Variants in SLC29A1 observed in about 807,000 individuals in gnomAD.
The protein encoded by SLC29A1 is solute carrier family 29 member 1 (Augustine blood group).
Under a neutral mutation model 48.3 loss-of-function variants are expected in SLC29A1, and 22 were observed. The observed-to-expected ratio is 0.46, with a 90% CI of 0.33 to 0.65. The LOEUF is 0.65. Among genes scored for constraint, SLC29A1 ranks in the 30% least tolerant of loss-of-function variants. The pLI is 0.03. For missense variants in SLC29A1, 491 were observed against 575.3 expected, an observed-to-expected ratio of 0.85 and a Z score of 1.50; for synonymous variants, 228 against 231.0, an observed-to-expected ratio of 0.99 and a Z score of 0.12.
At position 44,231,470 on chromosome 6, in the gene SLC29A1, G is replaced by C; in HGVS notation, c.864+9G>C. 6.4e-7 allele frequency: 1 copy of C among 1,565,620 alleles called. No individual in the cohort carries two copies. The highest frequency in any genetic ancestry group is 2.3e-5 in the East Asian group (1 of 44,432). The stretch of plus-strand genomic sequence containing the variant: ...AAGCCATCCTGAAAAATGTACGTAG[G>C]GGAGGTTATCCTATCTTCTACCCCT... On this transcript the variant is annotated intron_variant, in intron 9 of 12. Transcript: ENST00000371755.
intron 1 of SLC29A1, chr6:44,226,308 TA>T (rs1447713541): frequency 6.0e-6 from 1 of 167,622 alleles, no homozygotes; most frequent in Non-Finnish European, 1.2e-5. Context: ...GAAAGCTGTT[TA>T]ATCTGCTGGT....
chr6:44,225,170 A>G (rs912438994), intron 1 of SLC29A1, among the ~76,000 whole-genome samples: 3 of 152,092 alleles, frequency 2.0e-5, no homozygotes, highest in African/African-American at 4.8e-5. Flanking sequence ...TGCGGGTATG[A>G]AGTAAGAACC....
chr6:44,229,767 A>G lies in SLC29A1; in HGVS notation c.290A>G (p.Tyr97Cys). 1 of 1,613,568 alleles carries G rather than the reference A, an allele frequency of 6.2e-7. No homozygotes were observed. Among genetic ancestry groups the G allele is most frequent in the Non-Finnish European group, 8.5e-7 (1 of 1,179,934 alleles). Residue 97 changes from tyrosine (Y) to cysteine (C), a missense_variant, in exon 4 of 13, where the codon TAC becomes TGC. Transcript: ENST00000371755. The surrounding 1 kb of genome is among the most constrained non-coding windows in gnomAD (Gnocchi z 5.1). ...ATGCTGCCCCTGCTGTTATTCACCT[A>G]CCTCAACTCCTTCCTGCATCAGAGG... ...CAMLPLLLFT[Y>C]LNSFLHQRIP...
Position 44,223,875 on chromosome 6 carries a change from G to A in SLC29A1, c.-52+234G>A. 1 of 998,380 alleles carries A rather than the reference G, an allele frequency of 1.0e-6. No individual in the cohort carries two copies. Among genetic ancestry groups the A allele is most frequent in the Non-Finnish European group, 1.2e-6 (1 of 838,454 alleles). 61.8% of individuals were successfully genotyped at this position (998,380 alleles called of 1,614,324 possible). ...GACCCAAGCTGGGCGGGGCGGCCTG[G>A]CTCCCGGGCCTAAAACAGGCTGCGG... On this transcript the variant is annotated intron_variant, in intron 1 of 12. Coordinates refer to ENST00000371755, the MANE Select transcript of SLC29A1 (RefSeq NM_001372327.1). The surrounding 1 kb of genome is among the most constrained non-coding windows in gnomAD (Gnocchi z 5.0).
chr6:44,221,220 C>T (rs943078720), upstream of SLC29A1, among the ~76,000 whole-genome samples: 3 of 152,114 alleles, frequency 2.0e-5, no homozygotes, highest in Non-Finnish European at 4.4e-5. The surrounding 1 kb of genome is among the most constrained non-coding windows in gnomAD (Gnocchi z 4.2). Flanking sequence ...TTTGGCTCCC[C>T]CTTACATTTT....
intron 1 of SLC29A1, chr6:44,226,821 T>A: frequency 9.8e-7 from 1 of 1,016,602 alleles, no homozygotes; most frequent in East Asian, 9.5e-5. Context: ...TCCCCCGACC[T>A]CTTTGCTGTG....
rs1010835510 is a variant in SLC29A1, at chr6:44,233,785, G to T, written c.*257G>T. On this transcript the variant is annotated 3_prime_UTR_variant, in exon 13 of 13. Coordinates refer to ENST00000371755, the MANE Select transcript of SLC29A1 (RefSeq NM_001372327.1). ...ATTTGCTTGAGTTTCTCCACTCTTG[G>T]CTCTGACTGATCCCTGCTTGTGCAG... 2 of 520,874 alleles carry T rather than the reference G, an allele frequency of 3.8e-6. No homozygotes were observed. Among genetic ancestry groups the T allele is most frequent in the African/African-American group, 3.8e-5 (2 of 52,116 alleles). The allele number at this position is 520,874 out of a possible 1,614,324, so 32.3% of individuals were successfully genotyped here.
rs1303190182 is a variant in SLC29A1, at chr6:44,233,707, G to T, written c.*179G>T. 9.9e-6 allele frequency: 6 copies of T among 605,686 alleles called. No individual in the cohort carries two copies. The Admixed American group carries it at 1.7e-4, about 18-fold the overall frequency. 37.5% of individuals were successfully genotyped at this position (605,686 alleles called of 1,614,324 possible). A position where few individuals can be genotyped will look rare whatever the true frequency, so the allele number is the denominator to read the frequency against. ...GGGAGGGAGCCTCTGGACGGACAGT[G>T]GGGACATTGTGGGTTTGGGGCTCAG... is the stretch of plus-strand genomic sequence containing the variant. On this transcript the variant is annotated 3_prime_UTR_variant, in exon 13 of 13. Transcript: ENST00000371755.
upstream of SLC29A1, among the ~76,000 whole-genome samples, chr6:44,222,074 G>A (rs902211647): frequency 6.6e-6 from 1 of 152,174 alleles, no homozygotes; most frequent in Non-Finnish European, 1.5e-5. Flanking sequence ...AGCGAGGAAG[G>A]GGGCCAAGGC....
chr6:44,226,364 G>A (rs1471402374), intron 1 of SLC29A1, among the ~76,000 whole-genome samples: 4 of 152,182 alleles, frequency 2.6e-5, no homozygotes, highest in Non-Finnish European at 4.4e-5. Context: ...GGAGAGGGAC[G>A]CTGAGGCAGA....
At chr6:44,219,645 A>T (rs1028991187), upstream of SLC29A1, 2 of 1,221,026 alleles carry the variant, frequency 1.6e-6, no homozygotes, top group Non-Finnish European at 2.1e-6. Context: ...CACACCGGTC[A>T]GGCCCGGCGC....
chr6:44,232,954 T>C lies in SLC29A1; in HGVS notation c.1207T>C (p.Phe403Leu), dbSNP rs1352115386. 8 of 1,613,938 alleles carry C rather than the reference T, an allele frequency of 5.0e-6. No homozygotes were observed. The highest frequency in any genetic ancestry group is 1.3e-5 in the African/African-American group (1 of 74,940). ...DAWFIFFMAA[F>L]AFSNGYLASL... ...CTGGTTCATCTTCTTCATGGCTGCCTTTGCCTTCTCCAACGGCTACCTCGC... is the reference window on the plus strand; with the variant it reads ...CTGGTTCATCTTCTTCATGGCTGCCCTTGCCTTCTCCAACGGCTACCTCGC... Residue 403 changes from phenylalanine to leucine, a missense_variant, in exon 12 of 13, where the codon TTT becomes CTT. By Grantham distance (22) the Phe-to-Leu change is conservative (BLOSUM62 0). Transcript: ENST00000371755. This position sits in a 1 kb window ranked among gnomAD's most constrained non-coding sequence, Gnocchi z 4.7.
At chr6:44,227,542 G>T (rs1182965747) in intron 2 of SLC29A1, among the ~76,000 whole-genome samples, 200 bp downstream of exon 2, 3 of 152,240 alleles carry the variant, frequency 2.0e-5, no homozygotes, top group East Asian at 1.9e-4. Flanking sequence ...GGCAGGGTGC[G>T]TGGGCAGCAG....
chr6:44,226,210 C>A, intron 1 of SLC29A1: 1 of 721,988 alleles, frequency 1.4e-6, no homozygotes, highest in Non-Finnish European at 1.7e-6. Context: ...GTCCTTTCAC[C>A]CCAAACAGCA....
At chr6:44,219,745 C>T (rs759461911), upstream of SLC29A1, 1 of 1,288,994 alleles carries the variant, frequency 7.8e-7, no homozygotes, top group South Asian at 1.2e-5. Flanking sequence ...ATTTCCGTCC[C>T]CCACCAAGTC....
rs199774402 is a variant in SLC29A1 at position 44,233,410 on chromosome 6, C to G, written c.1260-7C>G. On this transcript the variant is annotated splice_polypyrimidine_tract_variant and splice_region_variant and intron_variant, in intron 12 of 12. Coordinates refer to ENST00000371755, the MANE Select transcript of SLC29A1 (RefSeq NM_001372327.1). Reference sequence around the variant, plus strand: ...TGAGGTAGCCTTGCCCTTCCTTCCCCGCTTAGGAAAGTGAAGCCAGCTGAG... The same window carrying G: ...TGAGGTAGCCTTGCCCTTCCTTCCCGGCTTAGGAAAGTGAAGCCAGCTGAG... 2.2e-5 allele frequency: 36 copies of G among 1,610,970 alleles called. No homozygotes were observed. Among genetic ancestry groups the G allele is most frequent in the Non-Finnish European group, 3.1e-5 (36 of 1,177,266 alleles).
In SLC29A1 at chr6:44,233,309, A is replaced by G. The variant is rs573383728; in HGVS notation, c.1260-108A>G. The G allele has an allele frequency of 2.3e-5, 22 of 946,490 alleles. 2 individuals are homozygous for G. The South Asian group carries it at 2.8e-4, about 12-fold the overall frequency. 58.6% of individuals were successfully genotyped at this position (946,490 alleles called of 1,614,324 possible). A position where few individuals can be genotyped will look rare whatever the true frequency, so the allele number is the denominator to read the frequency against. ...CAGCCAGGATGGGTTGATCAACAGA[A>G]TGAGGTTCGACAGTCAAGTTGCTCC... is the stretch of plus-strand genomic sequence containing the variant. On this transcript the variant is annotated intron_variant, in intron 12 of 12. Transcript: ENST00000371755.
chr6:44,233,554 G>T lies in SLC29A1; in HGVS notation c.*26G>T, dbSNP rs1021651946. 1 of 1,562,624 alleles carries T rather than the reference G, an allele frequency of 6.4e-7. No homozygotes were observed. The highest frequency in any genetic ancestry group is 8.8e-7 in the Non-Finnish European group (1 of 1,133,030). Reference sequence around the variant, plus strand: ...CAAAGGATGGACAGAAGGACTGCCTGCCTCCCTCCCTGTCTGCCTCCTGCC... The same window carrying T: ...CAAAGGATGGACAGAAGGACTGCCTTCCTCCCTCCCTGTCTGCCTCCTGCC... On this transcript the variant is annotated 3_prime_UTR_variant, in exon 13 of 13. Coordinates refer to ENST00000371755, the MANE Select transcript of SLC29A1 (RefSeq NM_001372327.1).
chr6:44,221,591 T>G, upstream of SLC29A1: 1 of 1,102,042 alleles, frequency 9.1e-7, no homozygotes, highest in Non-Finnish European at 1.2e-6. This position sits in a 1 kb window ranked among gnomAD's most constrained non-coding sequence, Gnocchi z 4.2. Context: ...GACAGGGACC[T>G]GAGGGAGCTC....
Sources: gnomAD v4.1 joint callset for allele counts (sites outside exome capture counted in the v4.1 genomes callset) on GRCh38, gnomAD v4.1.1 for gene constraint, Gnocchi (gnomAD v3.1) non-coding constraint, MANE v1.5 for transcripts, NCBI Gene and HGNC (gene_info 2026-07-23, HGNC 2026-07-21) for gene names.